Variants in CHRM3 observed in about 807,000 individuals in gnomAD.
CHRM3 encodes the protein muscarinic acetylcholine receptor M3.
A neutral mutation model predicts 41.8 loss-of-function variants in CHRM3; 11 were observed. The ratio of observed to expected loss-of-function variants is 0.26; its 90% confidence interval spans 0.17 to 0.44. CHRM3 has a LOEUF of 0.44. Ranked by LOEUF, CHRM3 falls within the 20% of genes least tolerant of loss-of-function variation. The probability of loss-of-function intolerance (pLI) is 1.00; values close to 1 mark genes in which losing one functional copy is unlikely to be tolerated. For missense variants in CHRM3, 571 were observed against 745.4 expected (o/e 0.77, Z 2.72); for synonymous variants, 297 against 301.4 (o/e 0.99, Z 0.15).
chr1:239,620,538 G>C (rs75065668), intron 3 of CHRM3, among the ~76,000 whole-genome samples: 116 of 152,108 alleles, frequency 7.6e-4, no homozygotes, highest in African/African-American at 2.7e-3. Context: ...ATCCAGTTAT[G>C]GTGAGGAAAT....
chr1:239,633,813 A>G (rs1156484430), intron 4 of CHRM3, among the ~76,000 whole-genome samples: 1 of 141,142 alleles, frequency 7.1e-6, no homozygotes, highest in Non-Finnish European at 1.5e-5. Flanking sequence ...TGGCAAGCCC[A>G]TCATCAGATT....
At chr1:239,445,413 G>T (rs554433491) in intron 1 of CHRM3, among the ~76,000 whole-genome samples, 1 of 152,234 alleles carries the variant, frequency 6.6e-6, no homozygotes, top group East Asian at 1.9e-4. Flanking sequence ...ATCTGGGCTT[G>T]GGGTGAGAAA....
intron 5 of CHRM3, among the ~76,000 whole-genome samples, chr1:239,809,129 C>T (rs1197036816): frequency 6.6e-6 from 1 of 151,084 alleles, no homozygotes. Flanking sequence ...ACACCATTCT[C>T]CTGCCTCAGC....
intron 5 of CHRM3, among the ~76,000 whole-genome samples, chr1:239,730,039 A>AT (rs1333066483): frequency 6.6e-6 from 1 of 151,992 alleles, no homozygotes; most frequent in Non-Finnish European, 1.5e-5. Context: ...GCCATCTTTT[A>AT]TTAAGCCAGG....
At chr1:239,879,083 C>T (rs1330881341) in intron 6 of CHRM3, among the ~76,000 whole-genome samples, 1 of 152,068 alleles carries the variant, frequency 6.6e-6, no homozygotes, top group Admixed American at 6.6e-5. Flanking sequence ...TGGGTATCAC[C>T]CCCAGAATTT....
At position 239,387,753 on chromosome 1, in the gene CHRM3, G is replaced by T. The variant is rs1658654930; in HGVS notation, c.-521+526G>T. On this transcript the variant is annotated intron_variant, in intron 1 of 6. Transcript: ENST00000676153. This position sits in a 1 kb window ranked among gnomAD's most constrained non-coding sequence, Gnocchi z 5.1. ...AAAGCTGGCACCCGCCAACCTCGCA[G>T]TGGGGCCGCAAGTTCGGATTGCATT... Among the ~76,000 whole-genome samples the T allele has an allele frequency of 6.6e-6, 1 of 152,174 alleles. No individual in the cohort carries two copies. Among genetic ancestry groups the T allele is most frequent in the Non-Finnish European group, 1.5e-5 (1 of 68,040 alleles).
At chr1:239,493,332 G>A (rs576225652) in intron 2 of CHRM3, among the ~76,000 whole-genome samples, 213 of 152,284 alleles carry the variant, frequency 1.4e-3, no homozygotes, top group Non-Finnish European at 2.6e-3. Context: ...TAGAAGAACT[G>A]TGTGTTTTGT....
At position 239,896,223 on chromosome 1, in the gene CHRM3, C is replaced by G. The variant is rs148382940; in HGVS notation, c.-19-11210C>G. On this transcript the variant is annotated intron_variant, in intron 6 of 6. Transcript: ENST00000676153. ...CTTCCCTCTGTTTGGAATGCTGTGTCCTCTCTTGACTACATGGCAGCTTGG... is the reference window on the plus strand; with the variant it reads ...CTTCCCTCTGTTTGGAATGCTGTGTGCTCTCTTGACTACATGGCAGCTTGG... Among the ~76,000 whole-genome samples the G allele has an allele frequency of 2.2e-3, 338 of 152,276 alleles. 3 individuals carry two copies. The highest frequency in any genetic ancestry group is 8.0e-3 in the African/African-American group (331 of 41,550).
chr1:239,849,906 C>T (rs892256387), intron 6 of CHRM3, among the ~76,000 whole-genome samples: 15 of 152,300 alleles, frequency 9.8e-5, no homozygotes, highest in African/African-American at 2.9e-4. Flanking sequence ...CGGGTATCCT[C>T]ACCTGGCAAA....
At chr1:239,827,982 T>C (rs1428805384) in intron 6 of CHRM3, among the ~76,000 whole-genome samples, 2 of 152,224 alleles carry the variant, frequency 1.3e-5, no homozygotes, top group Non-Finnish European at 2.9e-5. Context: ...ACTTTGTGTT[T>C]CAGATATCTG....
chr1:239,871,417 T>G (rs918572264), intron 6 of CHRM3, among the ~76,000 whole-genome samples: 24 of 152,096 alleles, frequency 1.6e-4, no homozygotes, highest in Non-Finnish European at 1.3e-4. Flanking sequence ...AATTTTTGTA[T>G]TTTTAGTAGA....
intron 2 of CHRM3, among the ~76,000 whole-genome samples, chr1:239,541,604 C>G (rs964656097): frequency 6.6e-6 from 1 of 152,072 alleles, no homozygotes; most frequent in Admixed American, 6.6e-5. Flanking sequence ...CTCCACCTCC[C>G]AGGCTCAGGT....
intron 5 of CHRM3, among the ~76,000 whole-genome samples, chr1:239,791,069 C>A (rs1209263233): frequency 1.4e-5 from 2 of 147,370 alleles, no homozygotes; most frequent in African/African-American, 2.5e-5. Flanking sequence ...AAAAAACACA[C>A]AAAACTAGCA....
intron 5 of CHRM3, among the ~76,000 whole-genome samples, chr1:239,753,662 C>T (rs1462498187): frequency 6.6e-6 from 1 of 152,094 alleles, no homozygotes; most frequent in East Asian, 1.9e-4. Flanking sequence ...AGACAGAGAG[C>T]CAAACCATAT....
At chr1:239,682,911 G>A (rs531905976) in intron 5 of CHRM3, among the ~76,000 whole-genome samples, 14 of 152,122 alleles carry the variant, frequency 9.2e-5, no homozygotes, top group Admixed American at 6.6e-4. Flanking sequence ...TGTGATGTTT[G>A]GATACATGTG....
chr1:239,781,579 T>G (rs1292796319), intron 5 of CHRM3, among the ~76,000 whole-genome samples: 4 of 152,140 alleles, frequency 2.6e-5, no homozygotes, highest in African/African-American at 9.7e-5. Context: ...CAGTTTTATT[T>G]CTTCCTTCCT....
chr1:239,648,904 C>T (rs1573119851), intron 4 of CHRM3, among the ~76,000 whole-genome samples: 1 of 152,078 alleles, frequency 6.6e-6, no homozygotes, highest in Non-Finnish European at 1.5e-5. Context: ...AATTATAGAT[C>T]GTAACATTAG....
chr1:239,802,302 T>A (rs1427502340), intron 5 of CHRM3, among the ~76,000 whole-genome samples: 1 of 152,186 alleles, frequency 6.6e-6, no homozygotes, highest in African/African-American at 2.4e-5. Context: ...AAAAATATTA[T>A]CTGAACCACA....
chr1:239,851,475 A>T (rs1294943391), intron 6 of CHRM3, among the ~76,000 whole-genome samples: 2 of 152,206 alleles, frequency 1.3e-5, no homozygotes, highest in Non-Finnish European at 2.9e-5. Context: ...CCCAGTGTTT[A>T]TCACCCTCAC....
Sources: allele counts gnomAD v4.1 joint callset (sites outside exome capture counted in the v4.1 genomes callset), GRCh38; gene constraint gnomAD v4.1.1; non-coding constraint Gnocchi (gnomAD v3.1); transcripts MANE v1.5; gene names NCBI Gene and HGNC (gene_info 2026-07-23, HGNC 2026-07-21).